Variants in LDLRAD4 observed in about 807,000 individuals in gnomAD.
LDLRAD4 encodes low density lipoprotein receptor class A domain containing 4, also known as low-density lipoprotein receptor class A domain-containing protein 4.
A neutral mutation model predicts 17.0 loss-of-function variants in LDLRAD4; 5 were observed. The observed-to-expected ratio is 0.29, with a 90% CI of 0.15 to 0.62. LDLRAD4 has a LOEUF of 0.62. Ranked by LOEUF, LDLRAD4 falls within the 20% of genes least tolerant of loss-of-function variation. The probability of loss-of-function intolerance (pLI) is 0.84; values close to 1 mark genes in which losing one functional copy is unlikely to be tolerated. For synonymous variants in LDLRAD4, 168 were observed against 171.8 expected (o/e 0.98, Z 0.17); for missense variants, 340 against 424.7 (o/e 0.80, Z 1.75).
intron 3 of LDLRAD4, among the ~76,000 whole-genome samples, chr18:13,470,045 G>A (rs536508152): frequency 1.4e-3 from 207 of 152,330 alleles, no homozygotes; most frequent in Non-Finnish European, 1.9e-3. Context: ...ACAACATTGA[G>A]TTTTATTTCT....
chr18:13,545,282 G>A (rs2094345373), intron 3 of LDLRAD4, among the ~76,000 whole-genome samples: 2 of 152,206 alleles, frequency 1.3e-5, no homozygotes, highest in South Asian at 4.1e-4. Flanking sequence ...CGCACGTTCA[G>A]GGCAGACGCC....
chr18:13,339,717 G>C (rs1399005194), intron 1 of LDLRAD4, among the ~76,000 whole-genome samples: 1 of 152,070 alleles, frequency 6.6e-6, no homozygotes, highest in Non-Finnish European at 1.5e-5. Context: ...AAGGAGATAA[G>C]AATTGATCAG....
At chr18:13,301,370 T>G (rs540844114) in intron 1 of LDLRAD4, among the ~76,000 whole-genome samples, 1 of 140,536 alleles carries the variant, frequency 7.1e-6, no homozygotes, top group African/African-American at 2.7e-5. Context: ...AACTTGAGAG[T>G]GGAGTAGAGG....
chr18:13,641,676 T>C (rs2042574165), intron 4 of LDLRAD4: 1 of 856,714 alleles, frequency 1.2e-6, no homozygotes, highest in African/African-American at 1.8e-5. Context: ...GGCGCGCCTC[T>C]GGCGGTTTCC....
intron 1 of LDLRAD4, among the ~76,000 whole-genome samples, chr18:13,335,277 TTCCTA>T (rs1189669917): frequency 6.6e-6 from 1 of 152,240 alleles, no homozygotes; most frequent in Non-Finnish European, 1.5e-5. Flanking sequence ...GTTCTCTTCC[TTCCTA>T]TCCCCTCACT....
intron 3 of LDLRAD4, among the ~76,000 whole-genome samples, chr18:13,539,432 A>G (rs1675888707): frequency 6.6e-6 from 1 of 152,236 alleles, no homozygotes; most frequent in East Asian, 1.9e-4. Flanking sequence ...AAAAGCTAGT[A>G]TTTCTCTTTT....
rs28562318 is a variant in LDLRAD4 at position 13,431,074 on chromosome 18, G to A, written c.41-7170G>A. Among the ~76,000 whole-genome samples the A allele has an allele frequency of 6.1e-3, 926 of 152,256 alleles. 11 individuals carry two copies. The highest frequency in any genetic ancestry group is 0.021 in the African/African-American group (891 of 41,534). The stretch of plus-strand genomic sequence containing the variant: ...ATTTTAATGGCTTTAGAGTTCTATA[G>A]ACATTTGGTTTTCAGAGATTTTCCC... On this transcript the variant is annotated intron_variant, in intron 2 of 5. Transcript: ENST00000359446.
At chr18:13,378,630 A>G (rs2085108988) in intron 1 of LDLRAD4, among the ~76,000 whole-genome samples, 1 of 152,224 alleles carries the variant, frequency 6.6e-6, no homozygotes, top group Admixed American at 6.5e-5. Context: ...CCAATCAAAT[A>G]TCAAGAGCCT....
intron 3 of LDLRAD4, among the ~76,000 whole-genome samples, chr18:13,467,247 C>T (rs2092648641): frequency 6.6e-6 from 1 of 152,206 alleles, no homozygotes; most frequent in South Asian, 2.1e-4. Flanking sequence ...TATAGAGTAT[C>T]TCCGAGATGC....
At chr18:13,311,725 T>TC (rs1234652481) in intron 1 of LDLRAD4, among the ~76,000 whole-genome samples, 1 of 152,170 alleles carries the variant, frequency 6.6e-6, no homozygotes, top group African/African-American at 2.4e-5. Flanking sequence ...GTTCTGCATT[T>TC]CCATGCCGCC....
chr18:13,364,515 A>T (rs2083913649), intron 1 of LDLRAD4, among the ~76,000 whole-genome samples: 1 of 151,968 alleles, frequency 6.6e-6, no homozygotes, highest in Non-Finnish European at 1.5e-5. Flanking sequence ...TTTCTTAAAA[A>T]TTTTTTTGTG....
At chr18:13,500,736 G>C (rs930815457) in intron 3 of LDLRAD4, 1 of 152,148 alleles carries the variant, frequency 6.6e-6, no homozygotes, top group East Asian at 1.9e-4. Flanking sequence ...AAATGCTTCT[G>C]TAAGATGATA....
chr18:13,505,007 G>A (rs568981233), intron 3 of LDLRAD4, among the ~76,000 whole-genome samples: 4 of 152,314 alleles, frequency 2.6e-5, no homozygotes, highest in South Asian at 4.1e-4. Flanking sequence ...GGATGGGGAC[G>A]GGGATGGGGA....
At chr18:13,566,824 C>T (rs561964533) in intron 3 of LDLRAD4, among the ~76,000 whole-genome samples, 3 of 152,234 alleles carry the variant, frequency 2.0e-5, no homozygotes, top group Non-Finnish European at 4.4e-5. Flanking sequence ...TACTTACAAA[C>T]ATCTGCCCAA....
chr18:13,325,756 C>CT (rs1568009907), intron 1 of LDLRAD4, among the ~76,000 whole-genome samples: 1 of 151,284 alleles, frequency 6.6e-6, no homozygotes, highest in African/African-American at 2.4e-5. Flanking sequence ...AAACTTTTTT[C>CT]CTTTTTTTTT....
Position 13,440,101 on chromosome 18 carries a change from G to A in LDLRAD4, c.181+1717G>A, listed in dbSNP as rs2090928583. On this transcript the variant is annotated intron_variant, in intron 3 of 5. Transcript: ENST00000359446. The surrounding 1 kb of genome is among the most constrained non-coding windows in gnomAD (Gnocchi z 4.4). ...AACAGCAGACACACCACGGTAAGCT[G>A]TGTAGAGAATATCAGGACCTTGTGT... 6.6e-6 allele frequency among the ~76,000 whole-genome samples: 1 copy of A among 152,166 alleles called. No homozygotes were observed. Among genetic ancestry groups the A allele is most frequent in the Admixed American group, 6.5e-5 (1 of 15,290 alleles).
chr18:13,442,589 A>G (rs1442437390), intron 3 of LDLRAD4, among the ~76,000 whole-genome samples: 1 of 152,222 alleles, frequency 6.6e-6, no homozygotes, highest in Non-Finnish European at 1.5e-5. Context: ...CCCTGGTCCT[A>G]GGACGGGCCA....
chr18:13,620,911 C>A, intron 3 of LDLRAD4: 1 of 664,226 alleles, frequency 1.5e-6, no homozygotes, highest in Non-Finnish European at 2.6e-6. Flanking sequence ...TCCCGCTCCC[C>A]GCAGCTGGTT....
intron 3 of LDLRAD4, among the ~76,000 whole-genome samples, chr18:13,564,255 C>T (rs1051608673): frequency 1.3e-5 from 2 of 152,202 alleles, no homozygotes; most frequent in African/African-American, 2.4e-5. Flanking sequence ...ATTTTACTTT[C>T]CTTTTTCCCT....
Sources: gnomAD v4.1 joint callset for allele counts (sites outside exome capture counted in the v4.1 genomes callset) on GRCh38, gnomAD v4.1.1 for gene constraint, Gnocchi (gnomAD v3.1) non-coding constraint, MANE v1.5 for transcripts, NCBI Gene and HGNC (gene_info 2026-07-23, HGNC 2026-07-21) for gene names.